The following FAM120B variants were observed in gnomAD, a reference collection of about 807,000 sequenced individuals.
The protein encoded by FAM120B is constitutive coactivator of peroxisome proliferator-activated receptor gamma.
FAM120B carries 83 observed loss-of-function variants against 96.3 expected under a neutral mutation model. That is an observed-to-expected ratio of 0.86 (90% confidence interval 0.72 to 1.03). The LOEUF (loss-of-function observed/expected upper bound fraction) is 1.03. Ranked by LOEUF, FAM120B falls within the 50% of genes least tolerant of loss-of-function variation. FAM120B has a pLI of 0.00. For missense variants in FAM120B, 1,027 were observed against 1,121.2 expected, an observed-to-expected ratio of 0.92 and a Z score of 1.20; for synonymous variants, 407 against 402.7, an observed-to-expected ratio of 1.01 and a Z score of -0.13.
intron 6 of FAM120B, among the ~76,000 whole-genome samples, chr6:170,359,209 T>G (rs1317528381): frequency 6.6e-6 from 1 of 152,150 alleles, no homozygotes; most frequent in Non-Finnish European, 1.5e-5. Context: ...CAGACCAGCC[T>G]GGCCAACATG....
chr6:170,297,317 C>T (rs1784038165), intron 1 of FAM120B, among the ~76,000 whole-genome samples: 1 of 152,216 alleles, frequency 6.6e-6, no homozygotes. Flanking sequence ...GCTTCCCCGC[C>T]GCCCCCGCCT....
At position 170,391,135 on chromosome 6, in the gene FAM120B, A is replaced by G. The variant is rs569629587; in HGVS notation, c.2599+14A>G. ...CACACCACGCAGGTGGGAAAGGGCC[A>G]GGTGCCTCTAGAAGCCCCACAAGCG... On this transcript the variant is annotated intron_variant, in intron 8 of 10. Coordinates refer to ENST00000476287, the MANE Select transcript of FAM120B (RefSeq NM_032448.3). The G allele has an allele frequency of 3.8e-6, 6 of 1,585,748 alleles. No individual in the cohort carries two copies. Among genetic ancestry groups the G allele is most frequent in the Non-Finnish European group, 5.2e-6 (6 of 1,154,674 alleles).
chr6:170,382,183 G>A (rs144662626), intron 6 of FAM120B, among the ~76,000 whole-genome samples: 5 of 152,314 alleles, frequency 3.3e-5, no homozygotes, highest in African/African-American at 1.2e-4. Context: ...CACTTTGGGA[G>A]GCTGAATTAA....
intron 4 of FAM120B, among the ~76,000 whole-genome samples, chr6:170,332,367 T>C (rs1201722811): frequency 6.6e-6 from 1 of 152,234 alleles, no homozygotes. Flanking sequence ...TCCAATTGCC[T>C]GTCAAGTATT....
chr6:170,352,280 C>T (rs187778014), intron 5 of FAM120B, among the ~76,000 whole-genome samples: 38 of 152,314 alleles, frequency 2.5e-4, no homozygotes, highest in Admixed American at 2.2e-3. Flanking sequence ...CACCCAGACT[C>T]GCAAAGCAAG....
rs191269499 is a variant in FAM120B, at chr6:170,347,318, A to G, written c.2018-833A>G. 1.2e-3 allele frequency among the ~76,000 whole-genome samples: 181 copies of G among 152,358 alleles called. 1 individual carries two copies. Among genetic ancestry groups the G allele is most frequent in the African/African-American group, 4.1e-3 (170 of 41,590 alleles). ...TGTGGATAGCAAGGGAGGACATCTC[A>G]GCAGTCACAGATTAACAAGTCTGAC... On this transcript the variant is annotated intron_variant, in intron 4 of 10. Coordinates refer to ENST00000476287, the MANE Select transcript of FAM120B (RefSeq NM_032448.3).
upstream of FAM120B, among the ~76,000 whole-genome samples, chr6:170,301,825 A>G (rs548324720): frequency 1.8e-3 from 275 of 152,292 alleles, no homozygotes; most frequent in African/African-American, 6.3e-3. Context: ...TGTCCATATC[A>G]CTAACAGCAT....
chr6:170,323,340 A>G, intron 3 of FAM120B, 81 bp downstream of exon 3: 1 of 1,185,180 alleles, frequency 8.4e-7, no homozygotes, highest in Admixed American at 2.3e-5. Context: ...AATAGAGTGC[A>G]TTCTTTCAAG....
rs140396658 is a variant in FAM120B at position 170,369,158 on chromosome 6, A to G, written c.2283+10840A>G. 1.1e-4 allele frequency among the ~76,000 whole-genome samples: 16 copies of G among 149,914 alleles called. No homozygotes were observed. In the East Asian group the frequency reaches 3.8e-3, roughly 35 times the overall value. On this transcript the variant is annotated intron_variant, in intron 6 of 10. Transcript: ENST00000476287. ...GATAAGATAGAAATGAACAAAGCAA[A>G]AGAAAGCAAATGAACAAAGCAAAAG... is the stretch of plus-strand genomic sequence containing the variant.
upstream of FAM120B, among the ~76,000 whole-genome samples, chr6:170,303,282 C>A (rs568035725): frequency 8.5e-5 from 13 of 152,308 alleles, no homozygotes; most frequent in African/African-American, 2.9e-4. Context: ...CTCTGTCACC[C>A]AGGCTGGAGT....
intron 2 of FAM120B, 142 bp from the exon 3 acceptor site, chr6:170,322,937 T>C (rs1785387994): frequency 3.1e-6 from 2 of 649,602 alleles, no homozygotes; most frequent in Non-Finnish European, 5.1e-6. Context: ...ACATGGCAAC[T>C]TGATGTCATG....
In FAM120B at chr6:170,370,092, G is replaced by C. The variant is rs1789082814; in HGVS notation, c.2283+11774G>C. ...TTTCTCTTTTAAACCCATTCTGTGA[G>C]TCGGCAGAAATTTATCGCAGAGACA... is the stretch of plus-strand genomic sequence containing the variant. On this transcript the variant is annotated intron_variant, in intron 6 of 10. Transcript: ENST00000476287. The surrounding 1 kb of genome is among the most constrained non-coding windows in gnomAD (Gnocchi z 4.3). 6.6e-6 allele frequency among the ~76,000 whole-genome samples: 1 copy of C among 152,186 alleles called. No homozygotes were observed. The highest frequency in any genetic ancestry group is 2.4e-5 in the African/African-American group (1 of 41,436).
chr6:170,303,966 G>A (rs1365699277), upstream of FAM120B, among the ~76,000 whole-genome samples: 1 of 152,102 alleles, frequency 6.6e-6, no homozygotes, highest in African/African-American at 2.4e-5. Context: ...ACTTCCTTCT[G>A]GAAACATCTC....
At chr6:170,391,417 C>T (rs552673946) in intron 8 of FAM120B, among the ~76,000 whole-genome samples, 25 of 152,096 alleles carry the variant, frequency 1.6e-4, no homozygotes, top group Non-Finnish European at 2.6e-4. Flanking sequence ...CGCCTGTAAT[C>T]CCAGCTACTT....
upstream of FAM120B, among the ~76,000 whole-genome samples, chr6:170,305,552 T>C (rs956668450): frequency 6.6e-6 from 1 of 152,228 alleles, no homozygotes; most frequent in African/African-American, 2.4e-5. Context: ...TATTTGACCA[T>C]TTTACTTTCC....
intron 1 of FAM120B, chr6:170,298,326 T>C (rs1184075746): frequency 2.0e-5 from 3 of 152,212 alleles, no homozygotes; most frequent in Non-Finnish European, 4.4e-5. Flanking sequence ...GCAAGTATTT[T>C]CTCACTTTCA....
intron 1 of FAM120B, among the ~76,000 whole-genome samples, chr6:170,314,757 A>G (rs975871650): frequency 6.6e-5 from 10 of 152,248 alleles, no homozygotes; most frequent in East Asian, 1.9e-4. Context: ...CACTAATTGC[A>G]TTGATGAATA....
At chr6:170,356,500 C>T (rs73790668) in intron 5 of FAM120B, among the ~76,000 whole-genome samples, 121 of 152,204 alleles carry the variant, frequency 7.9e-4, no homozygotes, top group African/African-American at 2.7e-3. Flanking sequence ...ACATACTGTT[C>T]AGTGCATGAA....
chr6:170,322,483 T>C (rs1174216108), intron 2 of FAM120B, among the ~76,000 whole-genome samples: 3 of 152,116 alleles, frequency 2.0e-5, no homozygotes, highest in Non-Finnish European at 2.9e-5. Context: ...TAAGTTCTTA[T>C]GGGGCACAAG....
Sources: allele counts gnomAD v4.1 joint callset (sites outside exome capture counted in the v4.1 genomes callset), GRCh38; gene constraint gnomAD v4.1.1; non-coding constraint Gnocchi (gnomAD v3.1); transcripts MANE v1.5; gene names NCBI Gene and HGNC (gene_info 2026-07-23, HGNC 2026-07-21).